The following PPFIBP2 variants were observed in gnomAD, a reference collection of about 807,000 sequenced individuals.
PPFIBP2 encodes PPFIB scaffold protein 2.
In PPFIBP2, 118 loss-of-function variants were observed where a neutral mutation model predicts 118.3. The ratio of observed to expected loss-of-function variants is 1.00; its 90% CI spans 0.86 to 1.16. The LOEUF (loss-of-function observed/expected upper bound fraction) is 1.16, where lower values mean the gene tolerates loss of function less well. Among genes scored for constraint, PPFIBP2 ranks in the 50% most tolerant of loss-of-function variants. The probability of loss-of-function intolerance (pLI) is 0.00; values close to 1 mark genes in which losing one functional copy is unlikely to be tolerated. For missense variants in PPFIBP2, 1,195 were observed against 1,073.1 expected, an observed-to-expected ratio of 1.11 and a Z score of -1.59; for synonymous variants, 414 against 397.4, an observed-to-expected ratio of 1.04 and a Z score of -0.50.
the PPFIBP2 span, among the ~76,000 whole-genome samples, chr11:7,662,554 G>A: frequency 7.3e-5 from 11 of 151,060 alleles, no homozygotes; most frequent in Admixed American, 1.3e-4. Context: ...AGGGTAACCC[G>A]ACCTTTCTCT....
At chr11:7,620,186 C>A (rs1038462551) in intron 6 of PPFIBP2, among the ~76,000 whole-genome samples, 1 of 152,136 alleles carries the variant, frequency 6.6e-6, no homozygotes, top group Non-Finnish European at 1.5e-5. Context: ...TCAGTGACTC[C>A]CTACTGCCCA....
chr11:7,615,790 C>T (rs566476781), intron 6 of PPFIBP2, among the ~76,000 whole-genome samples: 15 of 152,192 alleles, frequency 9.9e-5, no homozygotes, highest in South Asian at 6.2e-4. Context: ...TGAATGTTCA[C>T]GAGAGTGAGC....
intron 1 of PPFIBP2, among the ~76,000 whole-genome samples, chr11:7,538,050 C>T (rs1230918769): frequency 2.0e-5 from 3 of 152,118 alleles, no homozygotes; most frequent in African/African-American, 4.8e-5. Context: ...GAGGGTGAAG[C>T]GAGCATTCAA....
At chr11:7,650,628 G>A (rs771630358) in intron 21 of PPFIBP2, 1 of 384,718 alleles carries the variant, frequency 2.6e-6, no homozygotes, top group Non-Finnish European at 4.7e-6. Flanking sequence ...AGATATCTCA[G>A]TGTGGAAGAT....
chr11:7,639,964 A>G (rs1270837901), intron 15 of PPFIBP2, 94 bp downstream of exon 15: 6 of 1,485,006 alleles, frequency 4.0e-6, no homozygotes, highest in Non-Finnish European at 3.6e-6. Context: ...ACCACAATCC[A>G]CAATTGGAGA....
the PPFIBP2 span, chr11:7,666,648 C>G: frequency 2.6e-6 from 2 of 771,670 alleles, no homozygotes; most frequent in East Asian, 5.4e-5. Context: ...AAAGCTGCCA[C>G]CACTCCAGCT....
chr11:7,609,082 C>A (rs1179858338), intron 5 of PPFIBP2, among the ~76,000 whole-genome samples: 3 of 152,332 alleles, frequency 2.0e-5, no homozygotes, highest in South Asian at 4.1e-4. Context: ...TTGTTGCCTA[C>A]CTTTCCCAGG....
chr11:7,618,798 T>A (rs1182891253), intron 6 of PPFIBP2, among the ~76,000 whole-genome samples: 1 of 152,040 alleles, frequency 6.6e-6, no homozygotes, highest in Non-Finnish European at 1.5e-5. Context: ...GCCAGGCTGG[T>A]TTCGAACTCC....
intron 3 of PPFIBP2, among the ~76,000 whole-genome samples, chr11:7,587,570 G>C (rs1186843432): frequency 6.6e-6 from 1 of 152,224 alleles, no homozygotes; most frequent in Non-Finnish European, 1.5e-5. Context: ...TCTGCCTTTA[G>C]GCAGCGTGCA....
At chr11:7,638,369 G>A (rs1851711796) in intron 14 of PPFIBP2, among the ~76,000 whole-genome samples, 2 of 152,176 alleles carry the variant, frequency 1.3e-5, no homozygotes, top group African/African-American at 2.4e-5. Context: ...CTCTCTGAAG[G>A]TTCTAGTTAC....
At chr11:7,639,680 CTG>C in intron 14 of PPFIBP2, 50 bp from the exon 15 acceptor site, 1 of 1,611,126 alleles carries the variant, frequency 6.2e-7, no homozygotes, top group East Asian at 2.2e-5. Context: ...GATTTCCTAA[CTG>C]AGGCTGACAG....
At chr11:7,594,471 T>C (rs1462452559) in intron 4 of PPFIBP2, among the ~76,000 whole-genome samples, 1 of 152,262 alleles carries the variant, frequency 6.6e-6, no homozygotes, top group Non-Finnish European at 1.5e-5. Flanking sequence ...CCCATTCTTG[T>C]GGATCTTCCA....
chr11:7,663,975 C>CAAGT, the PPFIBP2 span, among the ~76,000 whole-genome samples: 7 of 152,350 alleles, frequency 4.6e-5, no homozygotes, highest in African/African-American at 1.7e-4. Flanking sequence ...TTGTGCTTCC[C>CAAGT]AAGTGAGGCA....
rs74891165 is a variant in PPFIBP2, at chr11:7,648,928, A to G, written c.1909+17A>G. On this transcript the variant is annotated intron_variant, in intron 19 of 23. Transcript: ENST00000299492. ...GGGTGACAAGTAAGGATAGGCATATATGTATTAAGAATGTCTCTGGCAGCA... is the reference window on the plus strand; with the variant it reads ...GGGTGACAAGTAAGGATAGGCATATGTGTATTAAGAATGTCTCTGGCAGCA... 2.7e-5 allele frequency: 43 copies of G among 1,596,126 alleles called. No individual in the cohort carries two copies. Among genetic ancestry groups the G allele is most frequent in the Non-Finnish European group, 3.6e-5 (42 of 1,164,032 alleles).
At chr11:7,563,672 A>T (rs1214917523) in intron 2 of PPFIBP2, among the ~76,000 whole-genome samples, 1 of 152,200 alleles carries the variant, frequency 6.6e-6, no homozygotes, top group Non-Finnish European at 1.5e-5. Context: ...CAAATCTTTC[A>T]TCTGGTTGGC....
chr11:7,567,494 C>G (rs1855136014), intron 3 of PPFIBP2, among the ~76,000 whole-genome samples: 1 of 152,308 alleles, frequency 6.6e-6, no homozygotes, highest in African/African-American at 2.4e-5. Context: ...CATAAATCTT[C>G]TAGAGTAATT....
intron 3 of PPFIBP2, among the ~76,000 whole-genome samples, chr11:7,583,525 C>G (rs1857582717): frequency 6.6e-6 from 1 of 151,954 alleles, no homozygotes; most frequent in Non-Finnish European, 1.5e-5. Flanking sequence ...TTTTTACTCT[C>G]CTCCTGGCTT....
At chr11:7,649,123 C>A (rs1180421614) in intron 19 of PPFIBP2, 24 bp from the exon 20 acceptor site, 1 of 1,599,180 alleles carries the variant, frequency 6.3e-7, no homozygotes, top group Non-Finnish European at 8.6e-7. Context: ...AATCCTGACA[C>A]ATCTGGGGTT....
At chr11:7,608,036 A>T (rs1374432607) in intron 5 of PPFIBP2, among the ~76,000 whole-genome samples, 1 of 152,156 alleles carries the variant, frequency 6.6e-6, no homozygotes, top group Non-Finnish European at 1.5e-5. Context: ...ACATCTTAAG[A>T]TACTCACGTA....
Sources: gnomAD v4.1 joint callset for allele counts (sites outside exome capture counted in the v4.1 genomes callset) on GRCh38, gnomAD v4.1.1 for gene constraint, MANE v1.5 for transcripts, NCBI Gene and HGNC (gene_info 2026-07-23, HGNC 2026-07-21) for gene names.